FBXO24: variants seen among roughly 807,000 people sequenced by gnomAD.
FBXO24 encodes F-box protein 24.
Under a neutral mutation model 63.5 loss-of-function variants are expected in FBXO24, and 30 were observed. The observed-to-expected ratio is 0.47, with a 90% confidence interval of 0.35 to 0.64. The LOEUF (loss-of-function observed/expected upper bound fraction) is 0.64, where lower values mean the gene tolerates loss of function less well. FBXO24 is among the 30% of genes least tolerant of loss of function. The pLI is 0.00. For synonymous variants in FBXO24, 300 were observed against 305.0 expected (o/e 0.98, Z 0.17); for missense variants, 624 against 763.4 (o/e 0.82, Z 2.15).
At chr7:100,599,986 T>C in intron 8 of FBXO24, 45 bp from the exon 9 acceptor site, 52 of 1,313,700 alleles carry the variant, frequency 4.0e-5, no homozygotes, top group Non-Finnish European at 5.2e-5. Context: ...AGCCCCCCCG[T>C]CCCTTGGTGC....
intron 4 of FBXO24, 49 bp downstream of exon 4, chr7:100,591,951 T>G (rs1212844409): frequency 6.4e-7 from 1 of 1,572,008 alleles, no homozygotes; most frequent in Non-Finnish European, 8.8e-7. Flanking sequence ...ATTAGTCCAT[T>G]TTCACACTGC....
At position 100,591,990 on chromosome 7, in the gene FBXO24, G is replaced by A. The variant is rs550889068; in HGVS notation, c.558+88G>A. 167 of 1,327,546 alleles carry A rather than the reference G, an allele frequency of 1.3e-4. 2 individuals carry two copies. The African/African-American group carries it at 1.9e-3, about 15-fold the overall frequency. 82.2% of individuals were successfully genotyped at this position (1,327,546 alleles called of 1,614,324 possible). A position where few individuals can be genotyped will look rare whatever the true frequency, so the allele number is the denominator to read the frequency against. On this transcript the variant is annotated intron_variant, in intron 4 of 9. Transcript: ENST00000241071. Reference sequence around the variant, plus strand: ...AAAGACGTACCAGAGGCCGGGTGCAGTGGCTTACACCTGTAATCCTAGCAC... The same window carrying A: ...AAAGACGTACCAGAGGCCGGGTGCAATGGCTTACACCTGTAATCCTAGCAC...
In FBXO24 at chr7:100,600,290, G is replaced by A. The variant is rs1802528393; in HGVS notation, c.1377+89G>A. On this transcript the variant is annotated intron_variant, in intron 9 of 9. Coordinates refer to ENST00000241071, the MANE Select transcript of FBXO24 (RefSeq NM_033506.3). This position sits in a 1 kb window ranked among gnomAD's most constrained non-coding sequence, Gnocchi z 6.3. Reference sequence around the variant, plus strand: ...CAGGCTGTAGCTGGGGCTCCTGCAGGGACCCAGGGGGTCCCATTTCCCTAG... The same window carrying A: ...CAGGCTGTAGCTGGGGCTCCTGCAGAGACCCAGGGGGTCCCATTTCCCTAG... 1 of 1,425,508 alleles carries A rather than the reference G, an allele frequency of 7.0e-7. No individual in the cohort carries two copies. The highest frequency in any genetic ancestry group is 9.3e-7 in the Non-Finnish European group (1 of 1,076,738). 88.3% of individuals were successfully genotyped at this position (1,425,508 alleles called of 1,614,324 possible).
chr7:100,595,431 G>T, intron 7 of FBXO24, 144 bp from the exon 8 acceptor site: 1 of 1,267,806 alleles, frequency 7.9e-7, no homozygotes. Flanking sequence ...ACCAGCCTGG[G>T]CAACATAGTG....
At chr7:100,589,328 C>G in intron 1 of FBXO24, 1 of 996,434 alleles carries the variant, frequency 1.0e-6, no homozygotes, top group Non-Finnish European at 1.2e-6. Flanking sequence ...ACTAGTGTTT[C>G]TCTACAGAGT....
chr7:100,592,737 C>T (rs1348753459), intron 4 of FBXO24, 46 bp from the exon 5 acceptor site: 1 of 1,510,048 alleles, frequency 6.6e-7, no homozygotes, highest in South Asian at 1.2e-5. Context: ...CAGCCCCATC[C>T]CATTTTGAAA....
At position 100,589,968 on chromosome 7, in the gene FBXO24, C is replaced by A; in HGVS notation, c.40-9C>A. The A allele has an allele frequency of 6.2e-7, 1 of 1,611,494 alleles. No homozygotes were observed. Among genetic ancestry groups the A allele is most frequent in the Non-Finnish European group, 8.5e-7 (1 of 1,178,726 alleles). ...CCTCATGGGACCCTATGCACCCCTT[C>A]TTGGGTAGGTGAAGAGAAGCTGCCC... On this transcript the variant is annotated splice_polypyrimidine_tract_variant and intron_variant, in intron 1 of 9. Transcript: ENST00000241071.
chr7:100,586,573 A>G lies in FBXO24; in HGVS notation c.-53A>G, dbSNP rs759069841. 67 of 1,600,062 alleles carry G rather than the reference A, an allele frequency of 4.2e-5. No homozygotes were observed. The highest frequency in any genetic ancestry group is 2.7e-4 in the Admixed American group (16 of 59,916). On this transcript the variant is annotated 5_prime_UTR_variant, in exon 1 of 10. Coordinates refer to ENST00000241071, the MANE Select transcript of FBXO24 (RefSeq NM_033506.3). ...TCAAGAAGGCCAATTAGAGCCTCCG[A>G]AGGGAATCTGGACCTGCCTCTTCTC...
intron 1 of FBXO24, among the ~76,000 whole-genome samples, chr7:100,588,478 T>C (rs1025641446): frequency 2.6e-5 from 4 of 152,144 alleles, no homozygotes; most frequent in Non-Finnish European, 4.4e-5. Flanking sequence ...CTAGGCACCA[T>C]ACATAAGGGA....
At chr7:100,595,841 T>C in intron 8 of FBXO24, 135 bp downstream of exon 8, 1 of 1,238,906 alleles carries the variant, frequency 8.1e-7, no homozygotes, top group Non-Finnish European at 1.1e-6. Flanking sequence ...CAGTATGTAA[T>C]GCCAGTGGTA....
intron 7 of FBXO24, 99 bp from the exon 8 acceptor site, chr7:100,595,476 A>C: frequency 1.4e-6 from 2 of 1,402,666 alleles, no homozygotes; most frequent in South Asian, 2.9e-5. Context: ...ATAGAAAGAG[A>C]TCAGCTGGGG....
chr7:100,593,680 C>T (rs1275373077), intron 5 of FBXO24, among the ~76,000 whole-genome samples: 1 of 148,412 alleles, frequency 6.7e-6, no homozygotes, highest in African/African-American at 2.5e-5. Flanking sequence ...ACCTGTAGTC[C>T]CAGCTACTTG....
chr7:100,590,298 C>T lies in FBXO24; in HGVS notation c.263C>T (p.Pro88Leu). ...AGACGCATCTGTCGCAGACTCAGTC[C>T]GCGCCTCCAAGATCAGGGTTCTGGA... ...VWRRICRRLS[P>L]RLQDQGSGVR... The change falls in exon 3 of 10, where the codon CCG becomes CTG. Residue 88 changes from proline (P) to leucine (L), a missense_variant. Physicochemically the swap from Pro to Leu is moderately conservative, Grantham distance 98 (BLOSUM62 -3). This residue lies in a region of FBXO24 where 391 missense variants were observed against 469.1 expected (regional missense o/e 0.83). Transcript: ENST00000241071. 9 of 1,614,148 alleles carry T rather than the reference C, an allele frequency of 5.6e-6. No homozygotes were observed. Among genetic ancestry groups the T allele is most frequent in the East Asian group, 2.2e-5 (1 of 44,880 alleles).
At position 100,586,341 on chromosome 7, in the gene FBXO24, A is replaced by G. The variant is rs953247806; in HGVS notation, c.-285A>G. 29 of 651,440 alleles carry G rather than the reference A, an allele frequency of 4.5e-5. No individual in the cohort carries two copies. Among genetic ancestry groups the G allele is most frequent in the African/African-American group, 4.4e-4 (24 of 54,664 alleles). 40.4% of individuals were successfully genotyped at this position (651,440 alleles called of 1,614,324 possible). ...GGGAACAAGGATAGAGCGCTCGCCA[A>G]CGGCCGACGCTCCAGGCCGTCCCGC... is the stretch of plus-strand genomic sequence containing the variant. On this transcript the variant is annotated 5_prime_UTR_variant, in exon 1 of 10. Transcript: ENST00000241071.
At chr7:100,596,332 G>C (rs1802307215) in intron 8 of FBXO24, among the ~76,000 whole-genome samples, 1 of 152,172 alleles carries the variant, frequency 6.6e-6, no homozygotes, top group Non-Finnish European at 1.5e-5. Context: ...TAAGACTTAG[G>C]TAGGGATAGA....
In FBXO24 at chr7:100,595,152, C is replaced by T. The variant is rs780556939; in HGVS notation, c.1003C>T (p.Leu335Phe). The change falls in exon 7 of 10, where the codon CTC becomes TTC. Residue 335 changes from leucine (L) to phenylalanine (F), a missense_variant. Physicochemically the swap from Leu to Phe is conservative, Grantham distance 22 (BLOSUM62 0). Coordinates refer to ENST00000241071, the MANE Select transcript of FBXO24 (RefSeq NM_033506.3). ...EVHTPGVYRDLFGTLQAFDPL... is the reference protein window; with the variant it reads ...EVHTPGVYRDFFGTLQAFDPL... Reference sequence around the variant, plus strand: ...GCATACCCCAGGGGTGTATCGCGATCTCTTTGGGACCCTTCAAGCCTTTGA... The same window carrying T: ...GCATACCCCAGGGGTGTATCGCGATTTCTTTGGGACCCTTCAAGCCTTTGA... The T allele has an allele frequency of 5.6e-6, 9 of 1,613,974 alleles. No individual in the cohort carries two copies. In the Admixed American group the frequency reaches 1.3e-4, roughly 24 times the overall value.
At chr7:100,591,937 C>T in intron 4 of FBXO24, 35 bp downstream of exon 4, 1 of 1,598,560 alleles carries the variant, frequency 6.3e-7, no homozygotes, top group East Asian at 2.2e-5. Context: ...GAGAGCCCAC[C>T]TGTATTAGTC....
At position 100,600,563 on chromosome 7, in the gene FBXO24, C is replaced by T. The variant is rs1473400595; in HGVS notation, c.1407C>T (p.Ala469=). 3.2e-6 allele frequency: 5 copies of T among 1,582,276 alleles called. No homozygotes were observed. Among genetic ancestry groups the T allele is most frequent in the Non-Finnish European group, 4.3e-6 (5 of 1,161,644 alleles). Residue 469 remains alanine, a synonymous_variant, in exon 10 of 10, where the codon GCC becomes GCT. Coordinates refer to ENST00000241071, the MANE Select transcript of FBXO24 (RefSeq NM_033506.3). The surrounding 1 kb of genome is among the most constrained non-coding windows in gnomAD (Gnocchi z 6.3). ...CTCTGTGTGCCTGTGCCCTCTGTGC[C>T]ACCAGGGAGTGCCTATACATCCTGT... The part of the protein sequence containing the change: ...KVPLCACALC[A]TRECLYILSS...
chr7:100,591,663 C>G lies in FBXO24; in HGVS notation c.323-4C>G. ...TGAACCTTCCATCTCCTTCCTTCCT[C>G]CAGACACGAAGGGCCTGTATTTCCA... is the stretch of plus-strand genomic sequence containing the variant. On this transcript the variant is annotated splice_region_variant and splice_polypyrimidine_tract_variant and intron_variant, in intron 3 of 9. Transcript: ENST00000241071. 1 of 1,613,732 alleles carries G rather than the reference C, an allele frequency of 6.2e-7. No homozygotes were observed. The highest frequency in any genetic ancestry group is 8.5e-7 in the Non-Finnish European group (1 of 1,179,582).
Sources: allele counts gnomAD v4.1 joint callset (sites outside exome capture counted in the v4.1 genomes callset), GRCh38; gene constraint gnomAD v4.1.1; regional missense constraint gnomAD v4.1.1; non-coding constraint Gnocchi (gnomAD v3.1); transcripts MANE v1.5; gene names NCBI Gene and HGNC (gene_info 2026-07-23, HGNC 2026-07-21).